Variants in VPS8 observed in about 807,000 individuals in gnomAD.
VPS8 encodes VPS8 subunit of CORVET complex, also known as vacuolar protein sorting-associated protein 8 homolog.
A neutral mutation model predicts 216.4 loss-of-function variants in VPS8; 129 were observed. The observed-to-expected ratio is 0.60, with a 90% confidence interval of 0.52 to 0.69. VPS8 has a LOEUF of 0.69. Ranked by LOEUF, VPS8 falls within the 30% of genes least tolerant of loss-of-function variation. The pLI is 0.00. For missense variants in VPS8, 1,531 were observed against 1,683.5 expected (o/e 0.91, Z 1.59); for synonymous variants, 571 against 565.4 (o/e 1.01, Z -0.14).
chr3:185,018,201 G>A (rs990719181), intron 45 of VPS8, among the ~76,000 whole-genome samples: 5 of 152,144 alleles, frequency 3.3e-5, no homozygotes, highest in African/African-American at 1.2e-4. Flanking sequence ...CCTGGCAATC[G>A]GGATTAGCAT....
At chr3:184,966,046 GA>G (rs1747355918) in intron 38 of VPS8, among the ~76,000 whole-genome samples, 1 of 152,144 alleles carries the variant, frequency 6.6e-6, no homozygotes, top group Admixed American at 6.5e-5. Flanking sequence ...AATTTTTAAG[GA>G]AAAGAAGTTT....
At chr3:184,898,257 T>C (rs1229136238) in intron 23 of VPS8, among the ~76,000 whole-genome samples, 1 of 152,154 alleles carries the variant, frequency 6.6e-6, no homozygotes, top group East Asian at 1.9e-4. Context: ...TCTGAATATG[T>C]GTTCAATAAA....
chr3:184,961,702 ATATTT>A (rs1346752909), intron 37 of VPS8, among the ~76,000 whole-genome samples: 2 of 141,918 alleles, frequency 1.4e-5, no homozygotes, highest in East Asian at 2.1e-4. Context: ...CATACAGTAG[ATATTT>A]TATTATAAGT....
At chr3:185,048,795 A>C (rs1326322981) in intron 47 of VPS8, among the ~76,000 whole-genome samples, 1 of 152,132 alleles carries the variant, frequency 6.6e-6, no homozygotes, top group African/African-American at 2.4e-5. Context: ...CTGTGAGGAC[A>C]CAGAAGGGCC....
chr3:184,885,179 G>T (rs546211362), intron 21 of VPS8, among the ~76,000 whole-genome samples: 11 of 152,200 alleles, frequency 7.2e-5, no homozygotes, highest in African/African-American at 2.6e-4. Context: ...CCTTAGTTTT[G>T]ACCTTTTTAT....
intron 45 of VPS8, among the ~76,000 whole-genome samples, chr3:185,018,147 A>G (rs1041705973): frequency 1.6e-4 from 25 of 152,212 alleles, no homozygotes; most frequent in African/African-American, 6.0e-4. Flanking sequence ...AGGCCTTGAT[A>G]GAATCAACTA....
chr3:185,024,356 T>A lies in VPS8; in HGVS notation c.4023T>A (p.Tyr1341Ter). ...TPSQVKMSPS[Y>*]HQSKGDPTAK... Reference sequence around the variant, plus strand: ...TCCAGGTAAAAATGTCTCCATCGTATCATCAGTCCAAAGGGGATCCCACTG... The same window carrying A: ...TCCAGGTAAAAATGTCTCCATCGTAACATCAGTCCAAAGGGGATCCCACTG... Residue 1341 changes from tyrosine to a stop codon, truncating the protein, a stop_gained, in exon 46 of 48, where the codon TAT becomes TAA. Coordinates refer to ENST00000625842, the MANE Select transcript of VPS8 (RefSeq NM_001009921.3). LOFTEE classifies it high-confidence loss of function. 3 of 1,598,164 alleles carry A rather than the reference T, an allele frequency of 1.9e-6. No homozygotes were observed. Among genetic ancestry groups the A allele is most frequent in the Non-Finnish European group, 2.6e-6 (3 of 1,171,536 alleles).
intron 42 of VPS8, 49 bp from the exon 43 acceptor site, chr3:184,993,934 T>C: frequency 1.4e-6 from 2 of 1,396,262 alleles, no homozygotes; most frequent in East Asian, 2.6e-5. Context: ...CATTTTAAAG[T>C]AATTTTAAAA....
chr3:185,044,394 T>C (rs1446507929), intron 46 of VPS8, among the ~76,000 whole-genome samples: 1 of 152,118 alleles, frequency 6.6e-6, no homozygotes, highest in Non-Finnish European at 1.5e-5. Flanking sequence ...ACCTACCTCG[T>C]AGGGTTTTTG....
intron 46 of VPS8, among the ~76,000 whole-genome samples, chr3:185,035,181 C>T (rs1253150337): frequency 6.6e-6 from 1 of 152,020 alleles, no homozygotes; most frequent in Non-Finnish European, 1.5e-5. Context: ...CTTCTTTCTA[C>T]CAAAAGAAGA....
intron 22 of VPS8, 145 bp downstream of exon 22, chr3:184,886,301 GTTCA>G: frequency 1.3e-6 from 1 of 780,734 alleles, no homozygotes; most frequent in Middle Eastern, 3.9e-4. Context: ...ACAGTTTTCA[GTTCA>G]TTTACCTAAT....
At chr3:184,901,054 G>A (rs1297114914) in intron 25 of VPS8, 82 bp downstream of exon 25, 2 of 1,176,438 alleles carry the variant, frequency 1.7e-6, no homozygotes, top group South Asian at 2.6e-5. Flanking sequence ...CCAATTATAT[G>A]TGTGCAGTGT....
At chr3:185,003,487 C>T (rs1343780243) in intron 45 of VPS8, among the ~76,000 whole-genome samples, 30 of 143,322 alleles carry the variant, frequency 2.1e-4, no homozygotes, top group African/African-American at 5.4e-4. Flanking sequence ...CATAGATCAA[C>T]AGGATCCCAA....
chr3:185,003,723 G>A (rs531649126), intron 45 of VPS8, among the ~76,000 whole-genome samples: 170 of 151,752 alleles, frequency 1.1e-3, no homozygotes, highest in Non-Finnish European at 1.3e-3. Flanking sequence ...CTTCCCAGAC[G>A]GGGTGGCTGC....
rs371166903 is a variant in VPS8, at chr3:184,826,142, C to G, written c.154-21C>G. The G allele has an allele frequency of 8.9e-6, 14 of 1,575,164 alleles. No individual in the cohort carries two copies. The Admixed American group carries it at 1.0e-4, about 12-fold the overall frequency. On this transcript the variant is annotated intron_variant, in intron 2 of 47. Coordinates refer to ENST00000625842, the MANE Select transcript of VPS8 (RefSeq NM_001009921.3). ...GCAGAAAGGCATCATTTTGTGAGCA[C>G]TATTTTTTTTCTTTATTTAGATTGA...
At chr3:184,926,683 A>C in intron 31 of VPS8, 33 bp downstream of exon 31, 1 of 1,567,846 alleles carries the variant, frequency 6.4e-7, no homozygotes, top group Non-Finnish European at 8.7e-7. Context: ...TTGCTAAAAA[A>C]TAGGAAAGAA....
rs774972034 is a variant in VPS8, at chr3:184,855,806, T to C, written c.1131T>C (p.Val377=). Residue 377 remains valine (V), a synonymous_variant, in exon 14 of 48, where the codon GTT becomes GTC. Coordinates refer to ENST00000625842, the MANE Select transcript of VPS8 (RefSeq NM_001009921.3). Reference sequence around the variant, plus strand: ...TTGCCTTCTGCAGAGGAGATGTTGTTCATTTTCTATTGGTAAGTCCTAATA... The same window carrying C: ...TTGCCTTCTGCAGAGGAGATGTTGTCCATTTTCTATTGGTAAGTCCTAATA... The part of the protein sequence containing the change: ...PMLAFCRGDV[V]HFLLVKRDES... 2.5e-6 allele frequency: 4 copies of C among 1,612,528 alleles called. No individual in the cohort carries two copies. Among genetic ancestry groups the C allele is most frequent in the Non-Finnish European group, 3.4e-6 (4 of 1,179,264 alleles).
intron 39 of VPS8, among the ~76,000 whole-genome samples, chr3:184,967,773 GTTGCAATGAGCGGAGA>G (rs1284852869): frequency 6.6e-6 from 1 of 151,520 alleles, no homozygotes; most frequent in Non-Finnish European, 1.5e-5. Context: ...GGAGGCGGAG[GTTGCAATGAGCGGAGA>G]TTGCACCACT....
intron 21 of VPS8, among the ~76,000 whole-genome samples, chr3:184,884,928 C>T (rs1413092445): frequency 1.3e-5 from 2 of 152,180 alleles, no homozygotes; most frequent in East Asian, 3.8e-4. Context: ...TAGGGAAGTC[C>T]TCCTGCCACC....
Sources: allele counts gnomAD v4.1 joint callset (sites outside exome capture counted in the v4.1 genomes callset), GRCh38; gene constraint gnomAD v4.1.1; transcripts MANE v1.5; gene names NCBI Gene and HGNC (gene_info 2026-07-23, HGNC 2026-07-21).